Variants in PPARG observed in about 807,000 individuals in gnomAD.
The protein encoded by PPARG is peroxisome proliferator-activated receptor gamma.
In PPARG, 17 loss-of-function variants were observed where a neutral mutation model predicts 39.2. That is an observed-to-expected ratio of 0.43 (90% confidence interval 0.30 to 0.65). The LOEUF (loss-of-function observed/expected upper bound fraction) is 0.65. Among genes scored for constraint, PPARG ranks in the 30% least tolerant of loss-of-function variants. The pLI, the probability that PPARG is intolerant of heterozygous loss-of-function variation, is 0.13. For missense variants in PPARG, 406 were observed against 585.9 expected (o/e 0.69, Z 3.17); for synonymous variants, 223 against 215.7 (o/e 1.03, Z -0.30).
rs2047076965 is a variant in PPARG at position 12,306,799 on chromosome 3, T to C, written c.-82-5581T>C. On this transcript the variant is annotated intron_variant, in intron 1 of 7. Coordinates refer to ENST00000651735, the MANE Select transcript of PPARG (RefSeq NM_138711.6). ...TATATTTAGTAACTTCATCATCACT[T>C]AGAAATCAACCGCTGGGCCGGGCGC... 5.3e-5 allele frequency among the ~76,000 whole-genome samples: 8 copies of C among 152,112 alleles called. No individual in the cohort carries two copies. The South Asian group carries it at 1.7e-3, about 32-fold the overall frequency.
intron 6 of PPARG, chr3:12,406,335 CT>C (rs1559528095): frequency 4.1e-6 from 2 of 483,796 alleles, no homozygotes; most frequent in Non-Finnish European, 7.6e-6. Flanking sequence ...GTCATCCTAA[CT>C]TTAATGAATG....
intron 7 of PPARG, among the ~76,000 whole-genome samples, chr3:12,423,698 A>G (rs757862955): frequency 1.3e-5 from 2 of 152,234 alleles, no homozygotes; most frequent in African/African-American, 4.8e-5. Context: ...GTGAACAACA[A>G]TCAGCCCGCT....
At chr3:12,409,105 T>A (rs2050782981) in intron 6 of PPARG, among the ~76,000 whole-genome samples, 1 of 152,256 alleles carries the variant, frequency 6.6e-6, no homozygotes, top group Non-Finnish European at 1.5e-5. Flanking sequence ...TAACTAGGAC[T>A]GTGTCTTGCC....
chr3:12,290,496 AT>A (rs1284714179), intron 1 of PPARG, among the ~76,000 whole-genome samples: 1 of 152,004 alleles, frequency 6.6e-6, no homozygotes, highest in Non-Finnish European at 1.5e-5. Flanking sequence ...CTAAATGTTC[AT>A]TTTTTTGTAT....
intron 2 of PPARG, among the ~76,000 whole-genome samples, chr3:12,324,251 G>T (rs954227603): frequency 2.0e-5 from 3 of 151,726 alleles, no homozygotes; most frequent in Non-Finnish European, 1.5e-5. Flanking sequence ...TGCACTCCAG[G>T]CTGGGCAACA....
intron 2 of PPARG, among the ~76,000 whole-genome samples, chr3:12,318,926 A>G (rs1377469171): frequency 1.3e-5 from 2 of 152,040 alleles, no homozygotes; most frequent in African/African-American, 4.8e-5. Flanking sequence ...GAAATAATTT[A>G]AATTATTAAA....
At chr3:12,433,537 CAA>C (rs11451254) in intron 7 of PPARG, among the ~76,000 whole-genome samples, 17 of 98,748 alleles carry the variant, frequency 1.7e-4, no homozygotes, top group East Asian at 3.5e-4. Flanking sequence ...GACTCCATCT[CAA>C]AAAAAAAAAA....
chr3:12,365,544 A>G (rs1193681177), intron 2 of PPARG, among the ~76,000 whole-genome samples: 1 of 151,898 alleles, frequency 6.6e-6, no homozygotes, highest in Non-Finnish European at 1.5e-5. Flanking sequence ...ATTTTGAGTT[A>G]ATTTTTATGA....
intron 2 of PPARG, among the ~76,000 whole-genome samples, chr3:12,370,091 A>G (rs553008853): frequency 2.0e-5 from 3 of 152,166 alleles, no homozygotes; most frequent in Admixed American, 6.5e-5. Context: ...AGTACGTGGG[A>G]GGTAACTTTT....
intron 7 of PPARG, among the ~76,000 whole-genome samples, chr3:12,427,949 C>G (rs990003839): frequency 6.6e-6 from 1 of 152,152 alleles, no homozygotes; most frequent in East Asian, 1.9e-4. Flanking sequence ...TAGGGACAGT[C>G]GGTTTCAGAT....
At chr3:12,290,857 CAA>C (rs1295752176) in intron 1 of PPARG, among the ~76,000 whole-genome samples, 3 of 152,112 alleles carry the variant, frequency 2.0e-5, no homozygotes, top group East Asian at 1.9e-4. Flanking sequence ...TTATTAATAA[CAA>C]GAGGCTTTCA....
At position 12,399,546 on chromosome 3, in the gene PPARG, T is replaced by C. The variant is rs3127608; in HGVS notation, c.530-6336T>C. On this transcript the variant is annotated intron_variant, in intron 5 of 7. Coordinates refer to ENST00000651735, the MANE Select transcript of PPARG (RefSeq NM_138711.6). ...AGGCTGCAGTGAGCCAAGATCACAC[T>C]ACTGTGCTCCAGCCCAGGCAAGAGA... The C allele has an allele frequency of 7.3e-3, 2,211 of 304,068 alleles. 9 individuals carry two copies. The highest frequency in any genetic ancestry group is 0.012 in the Non-Finnish European group (1,845 of 155,926). 18.8% of individuals were successfully genotyped at this position (304,068 alleles called of 1,614,324 possible). A position where few individuals can be genotyped will look rare whatever the true frequency, so the allele number is the denominator to read the frequency against.
intron 7 of PPARG, among the ~76,000 whole-genome samples, chr3:12,419,917 C>G (rs867432501): frequency 1.3e-5 from 2 of 152,060 alleles, no homozygotes; most frequent in Admixed American, 1.3e-4. Context: ...ATTACATACT[C>G]TTTGTTAATA....
chr3:12,412,482 T>C (rs2050910445), intron 6 of PPARG, among the ~76,000 whole-genome samples: 1 of 152,182 alleles, frequency 6.6e-6, no homozygotes, highest in African/African-American at 2.4e-5. Context: ...GTCAAAATAT[T>C]GAAAATTGAA....
Position 12,416,953 on chromosome 3 carries a change from A to G in PPARG, c.979A>G (p.Met327Val), listed in dbSNP as rs767061053. 2 of 1,614,068 alleles carry G rather than the reference A, an allele frequency of 1.2e-6. No homozygotes were observed. The highest frequency in any genetic ancestry group is 1.7e-6 in the Non-Finnish European group (2 of 1,179,986). Residue 327 changes from methionine to valine, a missense_variant, in exon 7 of 8, where the codon ATG (methionine) becomes GTG (valine). By Grantham distance (21) the Met-to-Val change is conservative (BLOSUM62 1). Coordinates refer to ENST00000651735, the MANE Select transcript of PPARG (RefSeq NM_138711.6). ...KYGVHEIIYT[M>V]LASLMNKDGV... Reference sequence around the variant, plus strand: ...TGGAGTCCACGAGATCATTTACACAATGCTGGCCTCCTTGATGAATAAAGA... The same window carrying G: ...TGGAGTCCACGAGATCATTTACACAGTGCTGGCCTCCTTGATGAATAAAGA...
At position 12,419,554 on chromosome 3, in the gene PPARG, C is replaced by T. The variant is rs1020739114; in HGVS notation, c.1180+2400C>T. Among the ~76,000 whole-genome samples, 10 of 151,798 alleles carry T rather than the reference C, an allele frequency of 6.6e-5. No individual in the cohort carries two copies. In the East Asian group the frequency reaches 9.8e-4, roughly 15 times the overall value. ...CTCGGCTCACTACAACCGGGTTTTCCGCCTCCCGGGTTCAAGTGACTCTCC... is the reference window on the plus strand; with the variant it reads ...CTCGGCTCACTACAACCGGGTTTTCTGCCTCCCGGGTTCAAGTGACTCTCC... On this transcript the variant is annotated intron_variant, in intron 7 of 7. Transcript: ENST00000651735.
At chr3:12,369,698 T>C (rs1187054526) in intron 2 of PPARG, among the ~76,000 whole-genome samples, 1 of 152,212 alleles carries the variant, frequency 6.6e-6, no homozygotes, top group Admixed American at 6.6e-5. Context: ...TACATTGTAG[T>C]AACTGAAAGT....
chr3:12,379,567 A>T lies in PPARG; in HGVS notation c.-8-137A>T, dbSNP rs937373423. On this transcript the variant is annotated intron_variant, in intron 2 of 7. Coordinates refer to ENST00000651735, the MANE Select transcript of PPARG (RefSeq NM_138711.6). Reference sequence around the variant, plus strand: ...CCTAGACAGCACTAAGAAGGTGGTTATGTTCTTTTCTGTTGTTGTGAGCGC... The same window carrying T: ...CCTAGACAGCACTAAGAAGGTGGTTTTGTTCTTTTCTGTTGTTGTGAGCGC... 5.3e-6 allele frequency: 4 copies of T among 757,226 alleles called. No homozygotes were observed. In the African/African-American group the frequency reaches 6.9e-5, roughly 13 times the overall value. 46.9% of individuals were successfully genotyped at this position (757,226 alleles called of 1,614,324 possible).
intron 6 of PPARG, among the ~76,000 whole-genome samples, chr3:12,414,588 A>T (rs2050995889): frequency 6.6e-6 from 1 of 152,186 alleles, no homozygotes; most frequent in African/African-American, 2.4e-5. Context: ...TTATCCATTC[A>T]CATTTTTCTC....
Sources: allele counts gnomAD v4.1 joint callset (sites outside exome capture counted in the v4.1 genomes callset), GRCh38; gene constraint gnomAD v4.1.1; transcripts MANE v1.5; gene names NCBI Gene and HGNC (gene_info 2026-07-23, HGNC 2026-07-21).